USP47: variants seen among roughly 807,000 people sequenced by gnomAD.
USP47 encodes ubiquitin carboxyl-terminal hydrolase 47.
A neutral mutation model predicts 165.1 loss-of-function variants in USP47; 35 were observed. The observed-to-expected ratio is 0.21, with a 90% CI of 0.16 to 0.28. USP47 has a LOEUF of 0.28. Among genes scored for constraint, USP47 ranks in the 10% least tolerant of loss-of-function variants. The probability of loss-of-function intolerance (pLI) is 1.00; values close to 1 mark genes in which losing one functional copy is unlikely to be tolerated. For synonymous variants in USP47, 531 were observed against 544.5 expected, an observed-to-expected ratio of 0.98 and a Z score of 0.35; for missense variants, 1,277 against 1,607.4, an observed-to-expected ratio of 0.79 and a Z score of 3.52.
At position 11,876,106 on chromosome 11, in the gene USP47, C is replaced by CT. The variant is rs201280397; in HGVS notation, c.40-4064dup. 7.7e-3 allele frequency among the ~76,000 whole-genome samples: 1,172 copies of CT among 152,168 alleles called. 13 individuals carry two copies. Among genetic ancestry groups the CT allele is most frequent in the African/African-American group, 0.026 (1,073 of 41,522 alleles). On this transcript the variant is annotated intron_variant, in intron 1 of 27. Transcript: ENST00000527733. ...ATAGTTTCAACTTTAGGATTTATAC[C>CT]TTTTTTTGTACTTGGCTAGATTTTC...
chr11:11,920,570 G>A, intron 10 of USP47, 76 bp downstream of exon 10: 1 of 1,352,638 alleles, frequency 7.4e-7, no homozygotes, highest in Non-Finnish European at 9.9e-7. Flanking sequence ...GCTGTTTGAG[G>A]TAATAACACT....
chr11:11,899,978 G>C (rs10765904), intron 5 of USP47, among the ~76,000 whole-genome samples: 33,052 of 151,892 alleles, frequency 0.22, 4,309 homozygotes, highest in Non-Finnish European at 0.29. Flanking sequence ...CCACAGAGTA[G>C]CACTAGCGTA....
chr11:11,924,233 CA>C (rs1412049676), intron 11 of USP47, among the ~76,000 whole-genome samples: 1 of 151,996 alleles, frequency 6.6e-6, no homozygotes, highest in African/African-American at 2.4e-5. Flanking sequence ...TTGATATGAT[CA>C]TGTATGTAAT....
intron 1 of USP47, among the ~76,000 whole-genome samples, chr11:11,846,752 A>G (rs1848449891): frequency 6.6e-6 from 1 of 152,172 alleles, no homozygotes; most frequent in Admixed American, 6.5e-5. Context: ...GACTTCTTAT[A>G]AAATCCATTC....
rs112718641 is a variant in USP47, at chr11:11,949,374, A to G, written c.3349-515A>G. Among the ~76,000 whole-genome samples the G allele has an allele frequency of 3.6e-3, 541 of 152,276 alleles. 5 individuals carry two copies. The highest frequency in any genetic ancestry group is 0.014 in the Middle Eastern group (4 of 294). ...GAAGAACTAGACAAATGTGAAAACC[A>G]TAAATTTATCATAAAATGCCTTTAT... On this transcript the variant is annotated intron_variant, in intron 22 of 27. Coordinates refer to ENST00000527733, the MANE Select transcript of USP47 (RefSeq NM_001282659.2).
intron 4 of USP47, among the ~76,000 whole-genome samples, chr11:11,894,803 A>G (rs1037734887): frequency 1.3e-5 from 2 of 152,214 alleles, no homozygotes; most frequent in African/African-American, 2.4e-5. Context: ...GATTATACAA[A>G]TATATTAAAA....
chr11:11,854,876 G>A (rs1243793918), intron 1 of USP47, among the ~76,000 whole-genome samples: 5 of 146,762 alleles, frequency 3.4e-5, no homozygotes, highest in Non-Finnish European at 7.6e-5. Context: ...GGCGGATCAC[G>A]AGGTCAGGAG....
In USP47 at chr11:11,943,090, A is replaced by G. The variant is rs1564891165; in HGVS notation, c.3069A>G (p.Glu1023=). ...YFKAEPYAAD[E]GSGEGHKWLM... ...AAGCTGAACCTTATGCTGCAGATGA[A>G]GGTTCTGGGGAAGGACATAAATGTA... Residue 1023 remains glutamate (E), a synonymous_variant, in exon 20 of 28, where the codon GAA becomes GAG. Transcript: ENST00000527733. The G allele has an allele frequency of 6.2e-7, 1 of 1,612,394 alleles. No homozygotes were observed. The highest frequency in any genetic ancestry group is 8.5e-7 in the Non-Finnish European group (1 of 1,179,150).
At position 11,960,175 on chromosome 11, in the gene USP47, C is replaced by T. The variant is rs1847388201; in HGVS notation, c.*4000C>T. 6.6e-6 allele frequency among the ~76,000 whole-genome samples: 1 copy of T among 152,144 alleles called. No homozygotes were observed. The highest frequency in any genetic ancestry group is 2.1e-4 in the South Asian group (1 of 4,834). The stretch of plus-strand genomic sequence containing the variant: ...TTTCATTCAAAGCTCCCCTGAACCT[C>T]CATAGTGCCTCCAAGATGTGCTGTC... On this transcript the variant is annotated 3_prime_UTR_variant, in exon 28 of 28. Coordinates refer to ENST00000527733, the MANE Select transcript of USP47 (RefSeq NM_001282659.2).
At chr11:11,881,639 T>C (rs1171769514) in intron 2 of USP47, among the ~76,000 whole-genome samples, 1 of 152,108 alleles carries the variant, frequency 6.6e-6, no homozygotes, top group Non-Finnish European at 1.5e-5. Flanking sequence ...TTTTTGACAT[T>C]TTATGGACTT....
chr11:11,909,150 T>G (rs1852783748), intron 8 of USP47, among the ~76,000 whole-genome samples: 1 of 152,174 alleles, frequency 6.6e-6, no homozygotes, highest in African/African-American at 2.4e-5. Flanking sequence ...TTTGTTTATA[T>G]TTGTGTCCTT....
At chr11:11,952,567 G>C (rs1249980706) in intron 24 of USP47, 174 bp from the exon 25 acceptor site, 1 of 509,810 alleles carries the variant, frequency 2.0e-6, no homozygotes. Context: ...GGAGAGAAGA[G>C]AGTAAATATT....
In USP47 at chr11:11,936,162, A is replaced by G. The variant is rs142910695; in HGVS notation, c.1870-141A>G. ...CCTGTAACTTTGATGTCTTTGATGCAAATCATAAATGTGTGGATTTTGTTA... is the reference window on the plus strand; with the variant it reads ...CCTGTAACTTTGATGTCTTTGATGCGAATCATAAATGTGTGGATTTTGTTA... On this transcript the variant is annotated intron_variant, in intron 16 of 27. Transcript: ENST00000527733. 1,158 of 337,092 alleles carry G rather than the reference A, an allele frequency of 3.4e-3. 8 individuals carry two copies. The highest frequency in any genetic ancestry group is 0.032 in the South Asian group (230 of 7,256). The allele number at this position is 337,092 out of a possible 1,614,324, so 20.9% of individuals were successfully genotyped here.
chr11:11,850,351 C>T (rs1312479479), intron 1 of USP47, among the ~76,000 whole-genome samples: 1 of 150,272 alleles, frequency 6.7e-6, no homozygotes, highest in Non-Finnish European at 1.5e-5. Flanking sequence ...ACTTTGTCTT[C>T]CAGTTTTTCT....
rs1229898731 is a variant in USP47, at chr11:11,842,837, CTCT to C, written c.39+615_39+617del. Among the ~76,000 whole-genome samples the C allele has an allele frequency of 9.2e-5, 11 of 119,566 alleles. 1 individual carries two copies. The highest frequency in any genetic ancestry group is 3.0e-4 in the South Asian group (1 of 3,348). 78.4% of individuals were successfully genotyped at this position (119,566 alleles called of 152,430 possible). A position where few individuals can be genotyped will look rare whatever the true frequency, so the allele number is the denominator to read the frequency against. On this transcript the variant is annotated intron_variant, in intron 1 of 27. Coordinates refer to ENST00000527733, the MANE Select transcript of USP47 (RefSeq NM_001282659.2). ...GAACATTACCACATGGAGAGCTGAACTCTTTTTTTTTTTTTTTTTTTTTGAGGT... is the reference window on the plus strand; with the variant it reads ...GAACATTACCACATGGAGAGCTGAACTTTTTTTTTTTTTTTTTTTTGAGGT...
intron 12 of USP47, 55 bp downstream of exon 12, chr11:11,929,620 C>A: frequency 6.3e-7 from 1 of 1,587,464 alleles, no homozygotes; most frequent in Non-Finnish European, 8.6e-7. Context: ...AAGGATGTTT[C>A]TAAACAACAG....
At chr11:11,946,754 CAAATT>C (rs10578253) in intron 20 of USP47, among the ~76,000 whole-genome samples, 35,663 of 151,934 alleles carry the variant, frequency 0.23, 5,013 homozygotes, top group Non-Finnish European at 0.32. Flanking sequence ...ACATTTTAAA[CAAATT>C]AAGAGAAATG....
At position 11,961,590 on chromosome 11, in the gene USP47, C is replaced by T. The variant is rs1847455648; in HGVS notation, c.*5415C>T. Among the ~76,000 whole-genome samples, 1 of 152,050 alleles carries T rather than the reference C, an allele frequency of 6.6e-6. No individual in the cohort carries two copies. Among genetic ancestry groups the T allele is most frequent in the African/African-American group, 2.4e-5 (1 of 41,412 alleles). On this transcript the variant is annotated 3_prime_UTR_variant, in exon 28 of 28. Transcript: ENST00000527733. ...GATCACATGATCACCAGATGGCTGC[C>T]CCAGAGCCAAATGTCGCTTCCTGAG...
At chr11:11,955,515 AC>A (rs1295654655) in intron 27 of USP47, among the ~76,000 whole-genome samples, 1 of 152,194 alleles carries the variant, frequency 6.6e-6, no homozygotes, top group Non-Finnish European at 1.5e-5. Flanking sequence ...CTCAATTTGA[AC>A]CAGGCATATT....
Sources: allele counts gnomAD v4.1 joint callset (sites outside exome capture counted in the v4.1 genomes callset), GRCh38; gene constraint gnomAD v4.1.1; transcripts MANE v1.5; gene names NCBI Gene and HGNC (gene_info 2026-07-23, HGNC 2026-07-21).